Variants in TNFRSF10B observed in about 807,000 individuals in gnomAD.
TNFRSF10B encodes tumor necrosis factor receptor superfamily member 10B.
TNFRSF10B carries 35 observed loss-of-function variants against 41.4 expected under a neutral mutation model. The ratio of observed to expected loss-of-function variants is 0.85; its 90% CI spans 0.65 to 1.12. The LOEUF is 1.12. Ranked by LOEUF, TNFRSF10B falls within the 50% of genes most tolerant of loss-of-function variation. The pLI, the probability that TNFRSF10B is intolerant of heterozygous loss-of-function variation, is 0.00. For missense variants in TNFRSF10B, 584 were observed against 552.7 expected (o/e 1.06, Z -0.57); for synonymous variants, 230 against 215.5 (o/e 1.07, Z -0.59).
In TNFRSF10B at chr8:23,053,417, G is replaced by A. The variant is rs1812577588; in HGVS notation, c.145-10174C>T. On this transcript the variant is annotated intron_variant, in intron 1 of 8. Transcript: ENST00000276431. ...TATACTTTTGGTAAAAAGATTATAA[G>A]GAGGCATGAGAATGTGGATATTTTT... is the stretch of plus-strand genomic sequence containing the variant. Among the ~76,000 whole-genome samples, 3 of 152,178 alleles carry A rather than the reference G, an allele frequency of 2.0e-5. 1 individual carries two copies. In the South Asian group the frequency reaches 6.2e-4, roughly 31 times the overall value.
At chr8:23,030,423 C>T (rs1053938255) in intron 3 of TNFRSF10B, among the ~76,000 whole-genome samples, 5 of 152,162 alleles carry the variant, frequency 3.3e-5, no homozygotes, top group African/African-American at 1.2e-4. Context: ...AGAGATCCTT[C>T]TGCCTCAGCT....
At chr8:23,027,508 G>T in intron 6 of TNFRSF10B, 1 of 780,410 alleles carries the variant, frequency 1.3e-6, no homozygotes, top group Non-Finnish European at 2.1e-6. Flanking sequence ...CAGGCTGTGG[G>T]GTGAGGATGT....
intron 2 of TNFRSF10B, among the ~76,000 whole-genome samples, chr8:23,035,925 T>C (rs927559254): frequency 5.3e-5 from 8 of 152,144 alleles, no homozygotes; most frequent in Non-Finnish European, 1.2e-4. Context: ...CAGGCTGCCG[T>C]AGACATTTTT....
At chr8:23,045,208 C>T (rs975679116) in intron 1 of TNFRSF10B, among the ~76,000 whole-genome samples, 1 of 151,122 alleles carries the variant, frequency 6.6e-6, no homozygotes, top group Non-Finnish European at 1.5e-5. Flanking sequence ...CCAGCCTGGG[C>T]AACAGAGGGA....
chr8:23,029,842 A>T, intron 3 of TNFRSF10B, 121 bp from the exon 4 acceptor site: 1 of 900,186 alleles, frequency 1.1e-6, no homozygotes, highest in South Asian at 1.4e-5. Flanking sequence ...TCTGAGGGCC[A>T]GTTTCTGCAC....
chr8:23,023,072 G>C (rs1320492202), intron 8 of TNFRSF10B, 88 bp from the exon 9 acceptor site: 14 of 1,517,392 alleles, frequency 9.2e-6, no homozygotes, highest in Non-Finnish European at 1.2e-5. Context: ...CCCAAGGCGG[G>C]GAACCTGGAG....
intron 1 of TNFRSF10B, among the ~76,000 whole-genome samples, chr8:23,063,604 C>T (rs1210872247): frequency 6.6e-6 from 1 of 152,156 alleles, no homozygotes; most frequent in Non-Finnish European, 1.5e-5. Flanking sequence ...AAACCCATTG[C>T]ATCACCGGCC....
intron 1 of TNFRSF10B, among the ~76,000 whole-genome samples, chr8:23,065,106 C>G (rs1229469188): frequency 6.6e-6 from 1 of 152,186 alleles, no homozygotes; most frequent in Non-Finnish European, 1.5e-5. Flanking sequence ...ACCTGCTCCA[C>G]CAGACTGTGG....
In TNFRSF10B at chr8:23,068,933, G is replaced by A. The variant is rs768274578; in HGVS notation, c.-39C>T. On this transcript the variant is annotated 5_prime_UTR_variant, in exon 1 of 9. Coordinates refer to ENST00000276431, the MANE Select transcript of TNFRSF10B (RefSeq NM_003842.5). ...GCTCTTATAGTCTCTCAGGCCCGTG[G>A]GTTTCAGCCCTTAAAGTAGATCGGG... 8.1e-6 allele frequency: 13 copies of A among 1,612,912 alleles called. No homozygotes were observed. The East Asian group carries it at 2.0e-4, about 25-fold the overall frequency.
intron 2 of TNFRSF10B, among the ~76,000 whole-genome samples, chr8:23,036,195 A>C (rs1271103255): frequency 6.6e-6 from 1 of 152,228 alleles, no homozygotes; most frequent in East Asian, 1.9e-4. Flanking sequence ...CTGACTGCTC[A>C]TCGTGAACTG....
intron 1 of TNFRSF10B, among the ~76,000 whole-genome samples, chr8:23,047,027 C>T (rs897980522): frequency 6.6e-6 from 1 of 152,108 alleles, no homozygotes; most frequent in African/African-American, 2.4e-5. Flanking sequence ...GGGGCTAAAA[C>T]TACACAACAT....
chr8:23,052,285 C>CTTTTTT (rs35496059), intron 1 of TNFRSF10B, among the ~76,000 whole-genome samples: 26 of 129,530 alleles, frequency 2.0e-4, no homozygotes, highest in Non-Finnish European at 3.4e-4. Flanking sequence ...TAAAGGGTAA[C>CTTTTTT]TTTTTTTTTT....
intron 2 of TNFRSF10B, among the ~76,000 whole-genome samples, chr8:23,042,733 C>T (rs1209542069): frequency 1.3e-5 from 2 of 152,220 alleles, no homozygotes; most frequent in African/African-American, 4.8e-5. Context: ...CCTCCACTCC[C>T]CACAGCAGCC....
chr8:23,026,879 A>AC (rs1277088251), intron 7 of TNFRSF10B, among the ~76,000 whole-genome samples: 2 of 151,980 alleles, frequency 1.3e-5, no homozygotes, highest in African/African-American at 4.8e-5. Context: ...GAACCCTGTG[A>AC]CCCCCACTCT....
In TNFRSF10B at chr8:23,020,205, T is replaced by G; in HGVS notation, c.*2466A>C. 1 of 446,980 alleles carries G rather than the reference T, an allele frequency of 2.2e-6. No individual in the cohort carries two copies. Among genetic ancestry groups the G allele is most frequent in the Admixed American group, 2.4e-5 (1 of 42,184 alleles). The allele number at this position is 446,980 out of a possible 1,614,324, so 27.7% of individuals were successfully genotyped here. A position where few individuals can be genotyped will look rare whatever the true frequency, so the allele number is the denominator to read the frequency against. ...CATAAGTATTTTGTACACAATGTGC[T>G]TCCTTGTTTGTATTATAACACATTT... is the stretch of plus-strand genomic sequence containing the variant. On this transcript the variant is annotated 3_prime_UTR_variant, in exon 9 of 9. Coordinates refer to ENST00000276431, the MANE Select transcript of TNFRSF10B (RefSeq NM_003842.5).
intron 1 of TNFRSF10B, among the ~76,000 whole-genome samples, chr8:23,067,680 T>A (rs1487891696): frequency 6.6e-6 from 1 of 152,194 alleles, no homozygotes; most frequent in East Asian, 1.9e-4. Flanking sequence ...AAGGACATAC[T>A]GTGGTGTGGG....
chr8:23,023,678 C>T (rs1811613587), intron 8 of TNFRSF10B, among the ~76,000 whole-genome samples: 2 of 152,150 alleles, frequency 1.3e-5, no homozygotes, highest in African/African-American at 2.4e-5. Flanking sequence ...AAGTGACATT[C>T]ATTTTAATGT....
At chr8:23,035,710 T>G (rs970419599) in intron 2 of TNFRSF10B, among the ~76,000 whole-genome samples, 8 of 152,168 alleles carry the variant, frequency 5.3e-5, no homozygotes, top group African/African-American at 1.9e-4. Flanking sequence ...TCTAAGATAT[T>G]CTAAGATAAA....
At position 23,022,731 on chromosome 8, in the gene TNFRSF10B, G is replaced by A. The variant is rs778950054; in HGVS notation, c.1263C>T (p.His421=). 2 of 1,613,930 alleles carry A rather than the reference G, an allele frequency of 1.2e-6. No individual in the cohort carries two copies. The highest frequency in any genetic ancestry group is 1.7e-5 in the Admixed American group (1 of 59,986). The change falls in exon 9 of 9, where the codon CAC becomes CAT. Residue 421 remains histidine (H), a synonymous_variant. Coordinates refer to ENST00000276431, the MANE Select transcript of TNFRSF10B (RefSeq NM_003842.5). ...ERLAKQKIED[H]LLSSGKFMYL... ...ACATGAACTTTCCAGAGCTCAACAA[G>A]TGGTCCTCAATCTTCTGCTTGGCAA...
Sources: gnomAD v4.1 joint callset for allele counts (sites outside exome capture counted in the v4.1 genomes callset) on GRCh38, gnomAD v4.1.1 for gene constraint, MANE v1.5 for transcripts, NCBI Gene and HGNC (gene_info 2026-07-23, HGNC 2026-07-21) for gene names.